APOBEC2: variants seen among roughly 807,000 people sequenced by gnomAD.
The protein encoded by APOBEC2 is apolipoprotein B mRNA editing enzyme catalytic subunit 2, also known as C->U-editing enzyme APOBEC-2.
APOBEC2 carries 14 observed loss-of-function variants against 19.4 expected under a neutral mutation model. The observed-to-expected ratio is 0.72, with a 90% CI of 0.48 to 1.13. APOBEC2 has a LOEUF of 1.13. APOBEC2 is among the 50% of genes most tolerant of loss of function. The pLI is 0.00. For missense variants in APOBEC2, 304 were observed against 277.0 expected (o/e 1.10, Z -0.69); for synonymous variants, 127 against 112.1 (o/e 1.13, Z -0.84).
Position 41,061,473 on chromosome 6 carries a change from G to T in APOBEC2, c.277G>T (p.Glu93Ter), listed in dbSNP as rs1299692400. 1 of 1,613,748 alleles carries T rather than the reference G, an allele frequency of 6.2e-7. No homozygotes were observed. Among genetic ancestry groups the T allele is most frequent in the Admixed American group, 1.7e-5 (1 of 59,972 alleles). Residue 93 changes from glutamate to a stop codon, truncating the protein, a stop_gained, in exon 2 of 3, where the codon GAG becomes TAG. Coordinates refer to ENST00000244669, the MANE Select transcript of APOBEC2 (RefSeq NM_006789.4). LOFTEE classifies it high-confidence loss of function. ...GGCATCTCGGGGATACCTAGAGGAT[G>T]AGCATGCGGCTGCCCATGCAGAGGA... is the stretch of plus-strand genomic sequence containing the variant. ...VQASRGYLEDEHAAAHAEEAF... is the reference protein window; with the variant it reads ...VQASRGYLED
intron 2 of APOBEC2, among the ~76,000 whole-genome samples, chr6:41,062,600 G>A (rs1285312559): frequency 6.6e-6 from 1 of 152,206 alleles, no homozygotes; most frequent in Admixed American, 6.5e-5. Context: ...CAACAAGCTA[G>A]TCCATGCAGG....
chr6:41,064,233 T>C lies in APOBEC2; in HGVS notation c.*154T>C, dbSNP rs1204004496. 1 of 152,576 alleles carries C rather than the reference T, an allele frequency of 6.6e-6. No homozygotes were observed. The highest frequency in any genetic ancestry group is 1.9e-4 in the East Asian group (1 of 5,200). The allele number at this position is 152,576 out of a possible 1,614,324, so 9.5% of individuals were successfully genotyped here. ...ATACTGGACAAGGCCCTTAGAGGACTTGAAATATACTTCTCATGCTGTAGT... is the reference window on the plus strand; with the variant it reads ...ATACTGGACAAGGCCCTTAGAGGACCTGAAATATACTTCTCATGCTGTAGT... On this transcript the variant is annotated 3_prime_UTR_variant, in exon 3 of 3. Transcript: ENST00000244669.
chr6:41,059,071 G>C (rs1762840524), intron 1 of APOBEC2, among the ~76,000 whole-genome samples: 1 of 152,164 alleles, frequency 6.6e-6, no homozygotes, highest in Non-Finnish European at 1.5e-5. Context: ...AAATGTCAGA[G>C]CTTAAGAAGG....
intron 2 of APOBEC2, among the ~76,000 whole-genome samples, chr6:41,062,172 T>C (rs781562442): frequency 6.6e-6 from 1 of 152,226 alleles, no homozygotes; most frequent in Non-Finnish European, 1.5e-5. Flanking sequence ...AAGATGACGT[T>C]CTTTGGTAAG....
intron 2 of APOBEC2, among the ~76,000 whole-genome samples, chr6:41,063,635 T>A (rs577565142): frequency 8.9e-6 from 1 of 111,902 alleles, no homozygotes; most frequent in South Asian, 3.5e-4. Context: ...CTCATGTTTG[T>A]GAAGGGAAAG....
At chr6:41,060,700 G>A (rs1313278761) in intron 1 of APOBEC2, among the ~76,000 whole-genome samples, 6 of 152,246 alleles carry the variant, frequency 3.9e-5, no homozygotes, top group Admixed American at 3.9e-4. Context: ...AAACAGACTT[G>A]AGAAGTAGTC....
intron 2 of APOBEC2, among the ~76,000 whole-genome samples, chr6:41,063,307 G>C (rs1247950572): frequency 6.6e-6 from 1 of 152,194 alleles, no homozygotes; most frequent in Non-Finnish European, 1.5e-5. Context: ...CTTTATAGTG[G>C]TGAACAGTAG....
intron 2 of APOBEC2, among the ~76,000 whole-genome samples, chr6:41,063,042 C>T (rs543824597): frequency 1.3e-5 from 2 of 152,350 alleles, no homozygotes; most frequent in Admixed American, 1.3e-4. Flanking sequence ...GTCTCTCTCA[C>T]TCCTAACACC....
intron 1 of APOBEC2, 150 bp downstream of exon 1, chr6:41,053,628 T>G: frequency 8.2e-7 from 1 of 1,212,680 alleles, no homozygotes; most frequent in Non-Finnish European, 1.1e-6. Flanking sequence ...GCAGGGGTGG[T>G]AGGGGACCCA....
chr6:41,064,848 A>C lies in APOBEC2; in HGVS notation c.*769A>C, dbSNP rs748438295. ...TAGTAGTTTAATGTTCAGATATACA[A>C]TCATTTAAAAGTATTCAATACATGG... On this transcript the variant is annotated 3_prime_UTR_variant, in exon 3 of 3. Coordinates refer to ENST00000244669, the MANE Select transcript of APOBEC2 (RefSeq NM_006789.4). 13 of 152,178 alleles carry C rather than the reference A, an allele frequency of 8.5e-5. No homozygotes were observed. Among genetic ancestry groups the C allele is most frequent in the Non-Finnish European group, 1.8e-4 (12 of 68,028 alleles). The allele number at this position is 152,178 out of a possible 1,614,324, so 9.4% of individuals were successfully genotyped here.
chr6:41,053,456 C>A lies in APOBEC2; in HGVS notation c.109C>A (p.Pro37Thr). The A allele has an allele frequency of 4.3e-6, 7 of 1,614,190 alleles. No individual in the cohort carries two copies. The highest frequency in any genetic ancestry group is 5.9e-6 in the Non-Finnish European group (7 of 1,180,030). ...GAAGCTGAAAGAGCTGATTGAGCTGCCGCCCTTTGAGATTGTCACAGGGTA... is the reference window on the plus strand; with the variant it reads ...GAAGCTGAAAGAGCTGATTGAGCTGACGCCCTTTGAGATTGTCACAGGGTA... ...PEKLKELIEL[P>T]PFEIVTGERL... The change falls in exon 1 of 3, where the codon CCG becomes ACG. Residue 37 changes from proline (P) to threonine (T), a missense_variant. Physicochemically the swap from Pro to Thr is conservative, Grantham distance 38 (BLOSUM62 -1). Transcript: ENST00000244669.
chr6:41,054,864 T>C (rs1384806212), intron 1 of APOBEC2, among the ~76,000 whole-genome samples: 1 of 152,184 alleles, frequency 6.6e-6, no homozygotes, highest in Non-Finnish European at 1.5e-5. Flanking sequence ...GTGTGCACAC[T>C]ACACTCTTGT....
Position 41,053,748 on chromosome 6 carries a change from G to T in APOBEC2, c.131+270G>T, listed in dbSNP as rs572095625. Among the ~76,000 whole-genome samples, 6 of 152,208 alleles carry T rather than the reference G, an allele frequency of 3.9e-5. No homozygotes were observed. The South Asian group carries it at 1.2e-3, about 32-fold the overall frequency. ...CCCAGAGAATAAAACCACCCTTCAG[G>T]CCTCCTGGTATTGGGATGGCCACCT... On this transcript the variant is annotated intron_variant, in intron 1 of 2. Coordinates refer to ENST00000244669, the MANE Select transcript of APOBEC2 (RefSeq NM_006789.4).
chr6:41,055,234 T>TC (rs1344288529), intron 1 of APOBEC2, among the ~76,000 whole-genome samples: 3 of 152,156 alleles, frequency 2.0e-5, no homozygotes, highest in Admixed American at 2.0e-4. Flanking sequence ...ATCCCAGGTT[T>TC]CCCAGAGCTC....
chr6:41,054,406 AAG>A (rs780410585), intron 1 of APOBEC2, among the ~76,000 whole-genome samples: 14 of 152,146 alleles, frequency 9.2e-5, no homozygotes, highest in Admixed American at 2.6e-4. Context: ...GTGCGAGACT[AAG>A]AGAAGTTTCA....
In APOBEC2 at chr6:41,053,379, C is replaced by CTAG. The variant is rs754128701; in HGVS notation, c.33_34insAGT (p.Thr11_Glu12insSer). ...CAGAAGGAAGAGGCTGCTGTGGCCA[C>CTAG]TGAGGCTGCCTCCCAGAATGGGGAG... On this transcript the variant is annotated inframe_insertion, in exon 1 of 3. Transcript: ENST00000244669. 4.7e-5 allele frequency: 76 copies of CTAG among 1,613,882 alleles called. No homozygotes were observed. Among genetic ancestry groups the CTAG allele is most frequent in the South Asian group, 1.4e-4 (13 of 91,084 alleles).
intron 1 of APOBEC2, 148 bp downstream of exon 1, chr6:41,053,626 G>C: frequency 8.1e-7 from 1 of 1,227,238 alleles, no homozygotes; most frequent in East Asian, 2.7e-5. Context: ...CGGCAGGGGT[G>C]GTAGGGGACC....
chr6:41,053,562 T>C, intron 1 of APOBEC2, 84 bp downstream of exon 1: 1 of 1,576,168 alleles, frequency 6.3e-7, no homozygotes, highest in Non-Finnish European at 8.6e-7. Context: ...GATGGTTATA[T>C]TAGGCGTCAG....
intron 1 of APOBEC2, 55 bp downstream of exon 1, chr6:41,053,533 T>G: frequency 6.3e-7 from 1 of 1,599,468 alleles, no homozygotes; most frequent in Non-Finnish European, 8.5e-7. Context: ...CAGCCTTGGG[T>G]TAGGCTGTGG....
Sources: gnomAD v4.1 joint callset for allele counts (sites outside exome capture counted in the v4.1 genomes callset) on GRCh38, gnomAD v4.1.1 for gene constraint, MANE v1.5 for transcripts, NCBI Gene and HGNC (gene_info 2026-07-23, HGNC 2026-07-21) for gene names.